The following RARB variants were observed in gnomAD, a reference collection of about 807,000 sequenced individuals.
The protein encoded by RARB is HBV-activated protein.
In RARB, 17 loss-of-function variants were observed where a neutral mutation model predicts 51.9. The observed-to-expected ratio is 0.33, with a 90% CI of 0.22 to 0.49. RARB has a LOEUF of 0.49. RARB is among the 20% of genes least tolerant of loss of function. RARB has a pLI of 0.99. For missense variants in RARB, 369 were observed against 550.8 expected (o/e 0.67, Z 3.30); for synonymous variants, 215 against 195.4 (o/e 1.10, Z -0.84).
chr3:25,110,419 G>A (rs1358749941), intron 3 of RARB, among the ~76,000 whole-genome samples: 1 of 152,222 alleles, frequency 6.6e-6, no homozygotes, highest in Non-Finnish European at 1.5e-5. Context: ...CACTCAGTGA[G>A]TTAAGTGGAG....
intron 1 of RARB, among the ~76,000 whole-genome samples, chr3:25,442,851 G>A (rs1323827797): frequency 1.3e-5 from 2 of 152,076 alleles, no homozygotes; most frequent in Non-Finnish European, 2.9e-5. Context: ...TCAAATCATG[G>A]AGACATACGA....
intron 5 of RARB, among the ~76,000 whole-genome samples, chr3:25,390,858 T>C (rs1336575845): frequency 1.3e-5 from 2 of 152,178 alleles, no homozygotes; most frequent in Non-Finnish European, 2.9e-5. Flanking sequence ...TAGTTTGACT[T>C]TTCCTGGTAC....
At chr3:25,249,563 T>C (rs1182392632) in intron 5 of RARB, among the ~76,000 whole-genome samples, 1 of 151,222 alleles carries the variant, frequency 6.6e-6, no homozygotes, top group Non-Finnish European at 1.5e-5. Context: ...GTTGCTTCTT[T>C]CAATTTTTTT....
At chr3:24,935,631 A>G (rs1695532834) in intron 2 of RARB, among the ~76,000 whole-genome samples, 1 of 152,200 alleles carries the variant, frequency 6.6e-6, no homozygotes, top group Non-Finnish European at 1.5e-5. Context: ...CACAATCCCT[A>G]GGACGTAGAA....
chr3:24,877,647 G>A (rs1477709371), intron 2 of RARB, among the ~76,000 whole-genome samples: 1 of 152,028 alleles, frequency 6.6e-6, no homozygotes, highest in Non-Finnish European at 1.5e-5. Context: ...TGCTGAAGAG[G>A]GAGACCTCCA....
At chr3:25,524,224 G>T (rs1226653821) in intron 3 of RARB, among the ~76,000 whole-genome samples, 1 of 152,160 alleles carries the variant, frequency 6.6e-6, no homozygotes, top group African/African-American at 2.4e-5. Flanking sequence ...GTAGTTAACC[G>T]ACAGTTCTAA....
At chr3:25,036,374 C>A (rs1388394998) in intron 2 of RARB, among the ~76,000 whole-genome samples, 1 of 152,128 alleles carries the variant, frequency 6.6e-6, no homozygotes, top group Non-Finnish European at 1.5e-5. Flanking sequence ...AATCCCAAAC[C>A]CTCTCCATTC....
intron 5 of RARB, among the ~76,000 whole-genome samples, chr3:25,419,302 A>C (rs560868568): frequency 1.4e-4 from 21 of 152,166 alleles, no homozygotes; most frequent in Non-Finnish European, 2.8e-4. Flanking sequence ...TCCCTGTTCT[A>C]CTGTTTACTC....
chr3:25,178,086 G>A (rs995099380), intron 5 of RARB, among the ~76,000 whole-genome samples: 2 of 151,978 alleles, frequency 1.3e-5, no homozygotes, highest in Admixed American at 6.6e-5. Context: ...TTGGCTATTG[G>A]TATGATCATT....
intron 2 of RARB, among the ~76,000 whole-genome samples, chr3:24,904,782 G>C (rs1315545757): frequency 1.3e-5 from 2 of 152,138 alleles, no homozygotes; most frequent in Non-Finnish European, 2.9e-5. Flanking sequence ...TCAATGATAG[G>C]CTGGATAAAG....
intron 3 of RARB, among the ~76,000 whole-genome samples, chr3:25,100,361 C>A (rs1699376356): frequency 6.6e-6 from 1 of 152,066 alleles, no homozygotes; most frequent in African/African-American, 2.4e-5. Flanking sequence ...CAAGAAGGAG[C>A]CAGCATGCAG....
rs143102236 is a variant in RARB at position 25,466,761 on chromosome 3, G to A, written c.306+5420G>A. 2.8e-3 allele frequency among the ~76,000 whole-genome samples: 427 copies of A among 152,294 alleles called. 1 individual carries two copies. The highest frequency in any genetic ancestry group is 4.9e-3 in the Non-Finnish European group (335 of 68,028). On this transcript the variant is annotated intron_variant, in intron 2 of 7. Coordinates refer to ENST00000330688, the MANE Select transcript of RARB (RefSeq NM_000965.5). ...ATATTTTAGGCTTTGAGGGCTATGT[G>A]GTCTTTGCTGCCATTATTCAACTCT...
chr3:24,917,459 C>G (rs1476267768), intron 2 of RARB, among the ~76,000 whole-genome samples: 3 of 152,194 alleles, frequency 2.0e-5, no homozygotes, highest in African/African-American at 7.2e-5. Context: ...TGATGGACAA[C>G]TTAATTAGGT....
At chr3:24,998,340 G>GTT (rs1288536171) in intron 2 of RARB, among the ~76,000 whole-genome samples, 1 of 149,200 alleles carries the variant, frequency 6.7e-6, no homozygotes, top group Non-Finnish European at 1.5e-5. Flanking sequence ...ATTTAAAAAA[G>GTT]TTATAAATTC....
At chr3:25,304,920 G>A (rs1194933212) in intron 5 of RARB, among the ~76,000 whole-genome samples, 5 of 152,146 alleles carry the variant, frequency 3.3e-5, no homozygotes, top group Non-Finnish European at 7.4e-5. Context: ...AATAATAACA[G>A]CATTTAACAA....
intron 5 of RARB, among the ~76,000 whole-genome samples, chr3:25,388,161 G>A (rs1034269897): frequency 6.6e-6 from 1 of 152,112 alleles, no homozygotes; most frequent in Non-Finnish European, 1.5e-5. Context: ...ATTTTTTGCT[G>A]ATGTTCAAAA....
chr3:25,324,019 G>C (rs1386864170), intron 5 of RARB, among the ~76,000 whole-genome samples: 1 of 152,072 alleles, frequency 6.6e-6, no homozygotes, highest in Non-Finnish European at 1.5e-5. Context: ...AGGAAGCAGA[G>C]ATAATAAAGG....
At chr3:25,167,135 A>C (rs1463309061) in intron 4 of RARB, among the ~76,000 whole-genome samples, 2 of 152,182 alleles carry the variant, frequency 1.3e-5, no homozygotes, top group Non-Finnish European at 2.9e-5. Flanking sequence ...AATATTATTT[A>C]ACTCCCTCTT....
At chr3:24,998,925 C>G (rs945977699) in intron 2 of RARB, among the ~76,000 whole-genome samples, 2 of 152,044 alleles carry the variant, frequency 1.3e-5, no homozygotes, top group African/African-American at 2.4e-5. Context: ...ATGTCTGATT[C>G]TATTATCTTG....
Sources: allele counts gnomAD v4.1 joint callset (sites outside exome capture counted in the v4.1 genomes callset), GRCh38; gene constraint gnomAD v4.1.1; transcripts MANE v1.5; gene names NCBI Gene and HGNC (gene_info 2026-07-23, HGNC 2026-07-21).